The following BBOX1 variants were observed in gnomAD, a reference collection of about 807,000 sequenced individuals.
BBOX1 encodes the protein gamma-butyrobetaine dioxygenase.
In BBOX1, 35 loss-of-function variants were observed where a neutral mutation model predicts 41.6. The ratio of observed to expected loss-of-function variants is 0.84; its 90% CI spans 0.64 to 1.11. BBOX1 has a LOEUF of 1.11. Among genes scored for constraint, BBOX1 ranks in the 50% most tolerant of loss-of-function variants. The pLI is 0.00. For synonymous variants in BBOX1, 163 were observed against 154.7 expected (o/e 1.05, Z -0.40); for missense variants, 458 against 460.6 (o/e 0.99, Z 0.05).
chr11:27,072,207 G>A (rs1476956615), intron 4 of BBOX1, among the ~76,000 whole-genome samples: 6 of 152,196 alleles, frequency 3.9e-5, no homozygotes, highest in South Asian at 2.1e-4. Context: ...TAAGCTGATA[G>A]GCAACTTTAG....
chr11:27,118,756 G>A (rs1333467596), intron 6 of BBOX1, among the ~76,000 whole-genome samples: 1 of 151,860 alleles, frequency 6.6e-6, no homozygotes, highest in Non-Finnish European at 1.5e-5. Flanking sequence ...AAAGTATCAA[G>A]GGGCCTTGAC....
At chr11:27,063,766 C>T (rs561320536) in intron 4 of BBOX1, among the ~76,000 whole-genome samples, 2 of 152,204 alleles carry the variant, frequency 1.3e-5, no homozygotes, top group African/African-American at 4.8e-5. Flanking sequence ...CTATAACGCA[C>T]TCCTTTGTTT....
At chr11:27,115,139 A>G (rs1320499334) in intron 5 of BBOX1, among the ~76,000 whole-genome samples, 1 of 151,916 alleles carries the variant, frequency 6.6e-6, no homozygotes, top group African/African-American at 2.4e-5. Context: ...ACTTCACCTC[A>G]ATAAATCACT....
chr11:27,093,262 C>A lies in BBOX1; in HGVS notation c.429C>A (p.Thr143=), dbSNP rs1284147978. The change falls in exon 5 of 9, where the codon ACC becomes ACA. Residue 143 remains threonine (T), a synonymous_variant. Transcript: ENST00000263182. ...YDEHAYKWLS[T]LKKVGIVRLT... The stretch of plus-strand genomic sequence containing the variant: ...AACACGCATACAAGTGGCTCTCCAC[C>A]CTCAAGAAAGTAGGCATAGTAAGAC... The A allele has an allele frequency of 1.2e-6, 2 of 1,612,462 alleles. No individual in the cohort carries two copies. The highest frequency in any genetic ancestry group is 2.2e-5 in the South Asian group (2 of 91,036).
intron 7 of BBOX1, among the ~76,000 whole-genome samples, chr11:27,121,439 AC>A (rs1208728894): frequency 2.0e-5 from 3 of 152,160 alleles, no homozygotes; most frequent in Non-Finnish European, 4.4e-5. Flanking sequence ...TAAATGGGTC[AC>A]CCTGACTGCT....
At chr11:27,091,611 C>T (rs1456940617) in intron 4 of BBOX1, among the ~76,000 whole-genome samples, 4 of 151,840 alleles carry the variant, frequency 2.6e-5, no homozygotes, top group Non-Finnish European at 5.9e-5. Flanking sequence ...CTAAGGTTTT[C>T]TCAAATATCA....
At chr11:27,116,238 G>A (rs963753168) in intron 6 of BBOX1, among the ~76,000 whole-genome samples, 23 of 151,840 alleles carry the variant, frequency 1.5e-4, no homozygotes, top group Middle Eastern at 3.4e-3. Context: ...ATCAAACACC[G>A]CATGTTCTCG....
intron 8 of BBOX1, among the ~76,000 whole-genome samples, chr11:27,126,416 G>GA (rs1859654503): frequency 1.3e-5 from 2 of 152,036 alleles, no homozygotes; most frequent in African/African-American, 4.8e-5. Context: ...ATTATAGGGG[G>GA]AAAAAATACA....
intron 3 of BBOX1, 128 bp from the exon 4 acceptor site, chr11:27,057,073 A>AAAAAAAAAAAG (rs1857006754): frequency 3.1e-6 from 1 of 327,156 alleles, no homozygotes; most frequent in African/African-American, 2.2e-5. Context: ...TTAAAAAAAA[A>AAAAAAAAAAAG]AAAAAAAAAA....
At chr11:27,076,257 T>C (rs889676987) in intron 4 of BBOX1, among the ~76,000 whole-genome samples, 4 of 152,178 alleles carry the variant, frequency 2.6e-5, no homozygotes. Flanking sequence ...CAGCACTAGC[T>C]CTGGTGGAGA....
chr11:27,051,627 C>T (rs542353065), intron 2 of BBOX1, among the ~76,000 whole-genome samples: 2 of 152,050 alleles, frequency 1.3e-5, no homozygotes, highest in African/African-American at 4.8e-5. Flanking sequence ...ATAGTAGTCT[C>T]TTATGAGCTT....
rs553462118 is a variant in BBOX1 at position 27,119,697 on chromosome 11, G to T, written c.688G>T (p.Glu230Ter). ...IKQTVTGGDS[E>*]IVDGFNVCQK... is the part of the protein sequence containing the mutation. ...GCAAACAGTCACAGGGGGTGATTCA[G>T]AAATTGTAGATGGGTTTAATGTGTG... Residue 230 changes from glutamate (E) to a stop codon, truncating the protein, a stop_gained, in exon 7 of 9, where the codon GAA becomes TAA. Coordinates refer to ENST00000263182, the MANE Select transcript of BBOX1 (RefSeq NM_003986.3). LOFTEE classifies it high-confidence loss of function. 30 of 1,570,832 alleles carry T rather than the reference G, an allele frequency of 1.9e-5. 2 individuals carry two copies. In the South Asian group the frequency reaches 3.4e-4, roughly 18 times the overall value.
chr11:27,114,289 G>A (rs1859180803), intron 5 of BBOX1, among the ~76,000 whole-genome samples: 1 of 151,722 alleles, frequency 6.6e-6, no homozygotes, highest in African/African-American at 2.4e-5. Context: ...CTGTATTCGT[G>A]GATTGGAAGG....
At chr11:27,099,443 G>A (rs576729935) in intron 5 of BBOX1, among the ~76,000 whole-genome samples, 3 of 152,122 alleles carry the variant, frequency 2.0e-5, no homozygotes, top group East Asian at 1.9e-4. Flanking sequence ...TAAAATAAAT[G>A]TGGATCTTGG....
chr11:27,047,594 A>T (rs774155699), intron 2 of BBOX1, among the ~76,000 whole-genome samples: 4 of 152,186 alleles, frequency 2.6e-5, no homozygotes, highest in Non-Finnish European at 5.9e-5. Flanking sequence ...TATATTTTTT[A>T]AAATGTATTG....
intron 7 of BBOX1, among the ~76,000 whole-genome samples, chr11:27,120,780 A>G (rs1418987304): frequency 6.6e-6 from 1 of 152,084 alleles, no homozygotes; most frequent in Non-Finnish European, 1.5e-5. Context: ...GAAACAGCCA[A>G]ATGGTATGAA....
chr11:27,051,039 A>G (rs1851655406), intron 2 of BBOX1, among the ~76,000 whole-genome samples: 1 of 152,084 alleles, frequency 6.6e-6, no homozygotes, highest in Non-Finnish European at 1.5e-5. Context: ...AATTATTATC[A>G]TAAAAGGATG....
At chr11:27,115,268 T>C (rs1206562056) in intron 5 of BBOX1, among the ~76,000 whole-genome samples, 184 bp from the exon 6 acceptor site, 1 of 151,914 alleles carries the variant, frequency 6.6e-6, no homozygotes, top group Non-Finnish European at 1.5e-5. Flanking sequence ...TGAGGAGATG[T>C]TAATTCTGAA....
chr11:27,050,570 G>A (rs1851639119), intron 2 of BBOX1, among the ~76,000 whole-genome samples: 2 of 151,936 alleles, frequency 1.3e-5, no homozygotes, highest in African/African-American at 2.4e-5. Flanking sequence ...TTTACTCCTT[G>A]GTTAAATGTA....
Sources: gnomAD v4.1 joint callset for allele counts (sites outside exome capture counted in the v4.1 genomes callset) on GRCh38, gnomAD v4.1.1 for gene constraint, MANE v1.5 for transcripts, NCBI Gene and HGNC (gene_info 2026-07-23, HGNC 2026-07-21) for gene names.